Variants in FAM110B observed in about 807,000 individuals in gnomAD.
FAM110B encodes family with sequence similarity 110 member B, also known as protein FAM110B.
Under a neutral mutation model 20.4 loss-of-function variants are expected in FAM110B, and 6 were observed. The ratio of observed to expected loss-of-function variants is 0.29; its 90% confidence interval spans 0.16 to 0.58. The LOEUF is 0.58. Among genes scored for constraint, FAM110B ranks in the 20% least tolerant of loss-of-function variants. The pLI is 0.90. For missense variants in FAM110B, 434 were observed against 498.2 expected (o/e 0.87, Z 1.23); for synonymous variants, 226 against 214.1 (o/e 1.06, Z -0.49).
intron 1 of FAM110B, among the ~76,000 whole-genome samples, chr8:58,019,283 A>G (rs1353619221): frequency 7.6e-6 from 1 of 130,868 alleles, no homozygotes; most frequent in Non-Finnish European, 1.6e-5. Flanking sequence ...GGTTGCAGTG[A>G]GCCAAGATCA....
intron 2 of FAM110B, among the ~76,000 whole-genome samples, chr8:58,067,147 T>C (rs746678394): frequency 9.9e-5 from 15 of 152,190 alleles, no homozygotes; most frequent in Non-Finnish European, 2.2e-4. Flanking sequence ...GTAACAGTTG[T>C]AACAATTCTA....
chr8:58,116,198 G>A (rs755162482), intron 3 of FAM110B, among the ~76,000 whole-genome samples: 1 of 152,118 alleles, frequency 6.6e-6, no homozygotes, highest in South Asian at 2.1e-4. Flanking sequence ...CAAACCCCTC[G>A]GATCATTGCA....
At chr8:58,054,758 T>C (rs1357146209) in intron 2 of FAM110B, among the ~76,000 whole-genome samples, 1 of 152,130 alleles carries the variant, frequency 6.6e-6, no homozygotes, top group Admixed American at 6.5e-5. Context: ...GGGAGAACCA[T>C]GTCCCTCTAA....
chr8:58,103,002 GAAAAAAAAAA>G (rs60027491), intron 3 of FAM110B, among the ~76,000 whole-genome samples: 4 of 99,302 alleles, frequency 4.0e-5, no homozygotes, highest in African/African-American at 1.0e-4. Flanking sequence ...TGCTTGTTAT[GAAAAAAAAAA>G]AAAAAAAAAA....
At chr8:58,113,872 C>G (rs570377495) in intron 3 of FAM110B, among the ~76,000 whole-genome samples, 2 of 152,336 alleles carry the variant, frequency 1.3e-5, no homozygotes, top group African/African-American at 2.4e-5. Flanking sequence ...GCTGAAACTT[C>G]ATAAAGCAAG....
intron 3 of FAM110B, chr8:58,091,309 C>G (rs1309137592): frequency 1.3e-5 from 2 of 152,228 alleles, no homozygotes; most frequent in African/African-American, 4.8e-5. Flanking sequence ...GTCAGGTTAC[C>G]TAGCTTCCAT....
chr8:58,099,700 G>A lies in FAM110B; in HGVS notation c.-325+24077G>A, dbSNP rs544520148. On this transcript the variant is annotated intron_variant, in intron 3 of 3. Transcript: ENST00000519262. ...TGTTAAGATTTTTAAATAGATATAC[G>A]GATATGAATACTGTATGTATATCAA... Among the ~76,000 whole-genome samples the A allele has an allele frequency of 1.2e-4, 18 of 151,636 alleles. No homozygotes were observed. The South Asian group carries it at 1.9e-3, about 16-fold the overall frequency.
intron 1 of FAM110B, among the ~76,000 whole-genome samples, chr8:58,022,442 G>GGT (rs1174806680): frequency 6.6e-6 from 1 of 152,116 alleles, no homozygotes; most frequent in Non-Finnish European, 1.5e-5. Context: ...TCTGGAGATG[G>GGT]GTGGTGGCGA....
At chr8:58,071,819 C>T (rs892804110) in intron 2 of FAM110B, among the ~76,000 whole-genome samples, 2 of 152,218 alleles carry the variant, frequency 1.3e-5, no homozygotes, top group African/African-American at 4.8e-5. Flanking sequence ...CAGCTGGCGG[C>T]ATTCTCAGGT....
intron 3 of FAM110B, among the ~76,000 whole-genome samples, chr8:58,140,746 A>C (rs1803723082): frequency 6.6e-6 from 1 of 152,162 alleles, no homozygotes; most frequent in Non-Finnish European, 1.5e-5. Context: ...GAGTGTCTTG[A>C]ATGTACCATG....
intron 2 of FAM110B, among the ~76,000 whole-genome samples, chr8:58,070,632 C>T (rs917035900): frequency 2.0e-5 from 3 of 152,208 alleles, no homozygotes; most frequent in African/African-American, 7.2e-5. Context: ...GTGATGCTTA[C>T]CGACTCGCTT....
At chr8:58,000,656 G>A (rs1007231508) in intron 1 of FAM110B, among the ~76,000 whole-genome samples, 4 of 152,222 alleles carry the variant, frequency 2.6e-5, no homozygotes, top group Admixed American at 6.5e-5. Context: ...TGGCTACCAC[G>A]GGGGCCACCA....
intron 2 of FAM110B, among the ~76,000 whole-genome samples, chr8:58,042,524 G>A (rs868771929): frequency 1.9e-4 from 29 of 152,216 alleles, no homozygotes; most frequent in South Asian, 2.1e-4. Context: ...GGATCTCCCC[G>A]TCTTATTTCT....
At chr8:58,033,729 A>T (rs1805018431) in intron 2 of FAM110B, among the ~76,000 whole-genome samples, 1 of 152,232 alleles carries the variant, frequency 6.6e-6, no homozygotes, top group Non-Finnish European at 1.5e-5. Flanking sequence ...ATCTCACAGC[A>T]GTCAGAATGG....
Position 58,146,641 on chromosome 8 carries a change from C to T in FAM110B, c.411C>T (p.His137=), listed in dbSNP as rs1177414144. ...AGGGCTCTAGCTCGGGCTCGGGGCA[C>T]AAGCACAGCTCCCGCAACTGGCCGC... ...SSEGSSSGSG[H]KHSSRNWPPH... The change falls in exon 4 of 4, where the codon CAC becomes CAT. Residue 137 remains histidine (H), a synonymous_variant. Transcript: ENST00000519262. 3 of 1,613,436 alleles carry T rather than the reference C, an allele frequency of 1.9e-6. No homozygotes were observed. Among genetic ancestry groups the T allele is most frequent in the Non-Finnish European group, 2.5e-6 (3 of 1,179,802 alleles).
chr8:58,016,725 A>G (rs1489056240), intron 1 of FAM110B, among the ~76,000 whole-genome samples: 1 of 152,140 alleles, frequency 6.6e-6, no homozygotes, highest in Non-Finnish European at 1.5e-5. Context: ...GCCCTCCAGG[A>G]GCTCATGATG....
At chr8:57,996,726 A>T (rs1461267027) in intron 1 of FAM110B, among the ~76,000 whole-genome samples, 1 of 152,210 alleles carries the variant, frequency 6.6e-6, no homozygotes, top group Non-Finnish European at 1.5e-5. Flanking sequence ...TAGGTTTAGA[A>T]TCCCACTTCC....
intron 3 of FAM110B, among the ~76,000 whole-genome samples, chr8:58,126,146 A>G (rs1807498183): frequency 1.3e-5 from 2 of 152,324 alleles, no homozygotes; most frequent in African/African-American, 4.8e-5. Context: ...TGTTATATAC[A>G]TACAGTATGT....
At chr8:58,130,207 A>C (rs1803416366) in intron 3 of FAM110B, among the ~76,000 whole-genome samples, 1 of 152,198 alleles carries the variant, frequency 6.6e-6, no homozygotes, top group African/African-American at 2.4e-5. Flanking sequence ...AACAGTTTGA[A>C]TTGTTCAAAA....
Sources: gnomAD v4.1 joint callset for allele counts (sites outside exome capture counted in the v4.1 genomes callset) on GRCh38, gnomAD v4.1.1 for gene constraint, MANE v1.5 for transcripts, NCBI Gene and HGNC (gene_info 2026-07-23, HGNC 2026-07-21) for gene names.